The following ACOX3 variants were observed in gnomAD, a reference collection of about 807,000 sequenced individuals.
ACOX3 encodes the protein acyl-CoA oxidase 3, pristanoyl.
In ACOX3, 73 loss-of-function variants were observed where a neutral mutation model predicts 81.5. The observed-to-expected ratio is 0.90, with a 90% CI of 0.74 to 1.09. ACOX3 has a LOEUF of 1.09. ACOX3 is among the 50% of genes least tolerant of loss of function. The pLI is 0.00. For missense variants in ACOX3, 947 were observed against 928.0 expected (o/e 1.02, Z -0.27); for synonymous variants, 387 against 375.1 (o/e 1.03, Z -0.37).
chr4:8,429,260 G>C (rs1293168695), intron 1 of ACOX3, among the ~76,000 whole-genome samples: 1 of 152,234 alleles, frequency 6.6e-6, no homozygotes, highest in African/African-American at 2.4e-5. Context: ...GCGGCCAAGA[G>C]ACAGCTAACG....
Position 8,430,878 on chromosome 4 carries a change from C to T in ACOX3, c.-15+9770G>A, listed in dbSNP as rs886349896. ...TCTCAAAAAATAAAAATAAAAATATCTTCCCACTGGGAAATGATTTGGGTC... is the reference window on the plus strand; with the variant it reads ...TCTCAAAAAATAAAAATAAAAATATTTTCCCACTGGGAAATGATTTGGGTC... On this transcript the variant is annotated intron_variant, in intron 1 of 17. Transcript: ENST00000356406. This position sits in a 1 kb window ranked among gnomAD's most constrained non-coding sequence, Gnocchi z 5.2. Among the ~76,000 whole-genome samples, 1 of 152,216 alleles carries T rather than the reference C, an allele frequency of 6.6e-6. No individual in the cohort carries two copies. Among genetic ancestry groups the T allele is most frequent in the South Asian group, 2.1e-4 (1 of 4,830 alleles).
rs1718256198 is a variant in ACOX3 at position 8,386,044 on chromosome 4, T to C, written c.1537+3129A>G. On this transcript the variant is annotated intron_variant, in intron 13 of 17. Coordinates refer to ENST00000356406, the MANE Select transcript of ACOX3 (RefSeq NM_003501.3). The surrounding 1 kb of genome is among the most constrained non-coding windows in gnomAD (Gnocchi z 5.2). ...GAAAAGCAGATGACTTTGGTGTCTT[T>C]CCTGATGATGGAGAGACTGTAAAAT... 6.6e-6 allele frequency among the ~76,000 whole-genome samples: 1 copy of C among 152,210 alleles called. No homozygotes were observed.
intron 13 of ACOX3, among the ~76,000 whole-genome samples, chr4:8,387,165 AC>A (rs1384519662): frequency 6.6e-6 from 1 of 152,262 alleles, no homozygotes; most frequent in African/African-American, 2.4e-5. Context: ...TGAGCTGAGC[AC>A]TGATGTGGCG....
chr4:8,433,498 A>G (rs568548555), intron 1 of ACOX3, among the ~76,000 whole-genome samples: 4 of 152,358 alleles, frequency 2.6e-5, no homozygotes, highest in African/African-American at 9.6e-5. Context: ...TGTTGTTTTA[A>G]GCCACCAAAC....
chr4:8,402,152 C>T (rs1315131134), intron 7 of ACOX3, among the ~76,000 whole-genome samples: 1 of 152,260 alleles, frequency 6.6e-6, no homozygotes, highest in Non-Finnish European at 1.5e-5. Flanking sequence ...GAGGGAAAGA[C>T]ACAGCGACAG....
At chr4:8,418,854 G>C (rs182421114) in intron 1 of ACOX3, among the ~76,000 whole-genome samples, 1 of 151,982 alleles carries the variant, frequency 6.6e-6, no homozygotes, top group Admixed American at 6.6e-5. Context: ...AATGAAACTC[G>C]GTCTCAAAGA....
the ACOX3 span, among the ~76,000 whole-genome samples, chr4:8,360,797 C>T: frequency 0.23 from 34,849 of 151,976 alleles, 4,730 homozygotes; most frequent in East Asian, 0.5. Flanking sequence ...ATTCAGTTTC[C>T]TACTCTGGAG....
In ACOX3 at chr4:8,381,911, C is replaced by CT. The variant is rs1717703915; in HGVS notation, c.1538-305_1538-304insA. Among the ~76,000 whole-genome samples the CT allele has an allele frequency of 6.6e-6, 1 of 152,250 alleles. No homozygotes were observed. Among genetic ancestry groups the CT allele is most frequent in the Admixed American group, 6.5e-5 (1 of 15,284 alleles). ...CGGTGCCGCCGCTAGAGTGGGCCCC[C>CT]GAGTGGGACGGCTGCACGTTCTCGC... On this transcript the variant is annotated intron_variant, in intron 13 of 17. Coordinates refer to ENST00000356406, the MANE Select transcript of ACOX3 (RefSeq NM_003501.3). The surrounding 1 kb of genome is among the most constrained non-coding windows in gnomAD (Gnocchi z 4.3).
Position 8,394,515 on chromosome 4 carries a change from C to G in ACOX3, c.1179+105G>C. 6.7e-7 allele frequency: 1 copy of G among 1,486,598 alleles called. No individual in the cohort carries two copies. The highest frequency in any genetic ancestry group is 1.3e-5 in the South Asian group (1 of 77,830). The allele number at this position is 1,486,598 out of a possible 1,614,324, so 92.1% of individuals were successfully genotyped here. ...AACAACTGGAGGAATGCTCTGTCCT[C>G]GCAAATCAAAGGACTGATTTTGCTT... On this transcript the variant is annotated intron_variant, in intron 10 of 17. Coordinates refer to ENST00000356406, the MANE Select transcript of ACOX3 (RefSeq NM_003501.3). The surrounding 1 kb of genome is among the most constrained non-coding windows in gnomAD (Gnocchi z 5.9).
At position 8,437,064 on chromosome 4, in the gene ACOX3, T is replaced by TA. The variant is rs200432071; in HGVS notation, c.-15+3583dup. On this transcript the variant is annotated intron_variant, in intron 1 of 17. Transcript: ENST00000356406. This position sits in a 1 kb window ranked among gnomAD's most constrained non-coding sequence, Gnocchi z 5.2. ...ATAAATATATATATACAAATATATG[T>TA]AAATATATAGAAATATATACACGTA... Among the ~76,000 whole-genome samples the TA allele has an allele frequency of 0.026, 3,811 of 144,770 alleles. 61 individuals are homozygous for TA. The highest frequency in any genetic ancestry group is 0.04 in the South Asian group (189 of 4,686). 95.0% of individuals were successfully genotyped at this position (144,770 alleles called of 152,430 possible).
chr4:8,377,493 C>T (rs1233932423), intron 14 of ACOX3, among the ~76,000 whole-genome samples: 2 of 152,188 alleles, frequency 1.3e-5, no homozygotes, highest in East Asian at 3.9e-4. Context: ...CAAAAGGCGT[C>T]ATGGCTCCAA....
rs187333846 is a variant in ACOX3 at position 8,399,072 on chromosome 4, G to A, written c.873+484C>T. ...GTTATTCCAAGGGTGCATGCTCGGG[G>A]TGGCCCACCTGCTGTGAGCTCATGA... On this transcript the variant is annotated intron_variant, in intron 8 of 17. Coordinates refer to ENST00000356406, the MANE Select transcript of ACOX3 (RefSeq NM_003501.3). This position sits in a 1 kb window ranked among gnomAD's most constrained non-coding sequence, Gnocchi z 4.9. 3.3e-5 allele frequency among the ~76,000 whole-genome samples: 5 copies of A among 152,246 alleles called. No homozygotes were observed. The highest frequency in any genetic ancestry group is 9.6e-5 in the African/African-American group (4 of 41,550).
chr4:8,397,670 C>T (rs1719870489), intron 8 of ACOX3, among the ~76,000 whole-genome samples: 1 of 152,236 alleles, frequency 6.6e-6, no homozygotes, highest in South Asian at 2.1e-4. Flanking sequence ...TTGCTAAGGC[C>T]TGTCCAGGCT....
chr4:8,383,838 G>C (rs1050733725), intron 13 of ACOX3, among the ~76,000 whole-genome samples: 10 of 152,208 alleles, frequency 6.6e-5, no homozygotes, highest in African/African-American at 2.4e-4. Context: ...GCTCTCCCCA[G>C]CAGGGCAGAT....
chr4:8,381,603 G>A lies in ACOX3; in HGVS notation c.1542C>T (p.Ala514=). 1 of 1,610,754 alleles carries A rather than the reference G, an allele frequency of 6.2e-7. No individual in the cohort carries two copies. Among genetic ancestry groups the A allele is most frequent in the East Asian group, 2.2e-5 (1 of 44,850 alleles). The part of the protein sequence containing the change: ...SVADCLDSAV[A]LAAYKWLVCY... ...AAACCAGCCACTTGTATGCTGCCAG[G>A]GCGACTTCGGAATGACAAACAGAAG... is the stretch of plus-strand genomic sequence containing the variant. Residue 514 remains alanine (A), a synonymous_variant, in exon 14 of 18, where the codon GCC becomes GCT. Transcript: ENST00000356406. This position sits in a 1 kb window ranked among gnomAD's most constrained non-coding sequence, Gnocchi z 4.3.
rs568648643 is a variant in ACOX3, at chr4:8,437,847, G to A, written c.-15+2801C>T. The stretch of plus-strand genomic sequence containing the variant: ...TACTGATCTGATCAGGCTGGCAGGA[G>A]CTAAAGAATGTAAAGACTAGGGCAG... On this transcript the variant is annotated intron_variant, in intron 1 of 17. Transcript: ENST00000356406. The surrounding 1 kb of genome is among the most constrained non-coding windows in gnomAD (Gnocchi z 5.2). Among the ~76,000 whole-genome samples the A allele has an allele frequency of 3.3e-5, 5 of 152,340 alleles. No homozygotes were observed. The highest frequency in any genetic ancestry group is 4.8e-5 in the African/African-American group (2 of 41,584).
rs576591552 is a variant in ACOX3, at chr4:8,385,311, C to T, written c.1538-3704G>A. 2.8e-4 allele frequency among the ~76,000 whole-genome samples: 43 copies of T among 151,958 alleles called. 1 individual carries two copies. The South Asian group carries it at 7.1e-3, about 25-fold the overall frequency. On this transcript the variant is annotated intron_variant, in intron 13 of 17. Transcript: ENST00000356406. The surrounding 1 kb of genome is among the most constrained non-coding windows in gnomAD (Gnocchi z 5.5). ...TCACCGCTCCCCCACGTGACTCCAC[C>T]GCTCACCTGTGACCTCACTGCTCAC... is the stretch of plus-strand genomic sequence containing the variant.
chr4:8,392,563 G>A, intron 10 of ACOX3, 110 bp from the exon 11 acceptor site: 1 of 1,223,484 alleles, frequency 8.2e-7, no homozygotes, highest in Non-Finnish European at 1.1e-6. Context: ...TCTAATACAA[G>A]ACATCCCGAA....
chr4:8,407,658 C>T lies in ACOX3; in HGVS notation c.688-1615G>A. Among the ~76,000 whole-genome samples the T allele has an allele frequency of 6.6e-6, 1 of 152,254 alleles. No homozygotes were observed. The highest frequency in any genetic ancestry group is 1.9e-4 in the East Asian group (1 of 5,204). On this transcript the variant is annotated intron_variant, in intron 6 of 17. Coordinates refer to ENST00000356406, the MANE Select transcript of ACOX3 (RefSeq NM_003501.3). The surrounding 1 kb of genome is among the most constrained non-coding windows in gnomAD (Gnocchi z 4.6). ...ATTCACGTTTTAGACACAGGACTCCCTGCTAGATTTTAGTAAAGTGACAAA... is the reference window on the plus strand; with the variant it reads ...ATTCACGTTTTAGACACAGGACTCCTTGCTAGATTTTAGTAAAGTGACAAA...
Sources: allele counts gnomAD v4.1 joint callset (sites outside exome capture counted in the v4.1 genomes callset), GRCh38; gene constraint gnomAD v4.1.1; non-coding constraint Gnocchi (gnomAD v3.1); transcripts MANE v1.5; gene names NCBI Gene and HGNC (gene_info 2026-07-23, HGNC 2026-07-21).